The following ZNF618 variants were observed in gnomAD, a reference collection of about 807,000 sequenced individuals.
ZNF618 encodes the protein neural precursor cell expressed, developmentally down-regulated 10.
ZNF618 carries 34 observed loss-of-function variants against 103.0 expected under a neutral mutation model. That is an observed-to-expected ratio of 0.33 (90% confidence interval 0.25 to 0.44). The LOEUF (loss-of-function observed/expected upper bound fraction) is 0.44, where lower values mean the gene tolerates loss of function less well. Ranked by LOEUF, ZNF618 falls within the 20% of genes least tolerant of loss-of-function variation. The pLI is 1.00. For synonymous variants in ZNF618, 551 were observed against 542.2 expected (o/e 1.02, Z -0.23); for missense variants, 1,059 against 1,295.4 (o/e 0.82, Z 2.80).
At chr9:113,996,162 T>C (rs567576183) in intron 3 of ZNF618, among the ~76,000 whole-genome samples, 1 of 152,310 alleles carries the variant, frequency 6.6e-6, no homozygotes, top group African/African-American at 2.4e-5. Flanking sequence ...CACTTGTCCA[T>C]GACTTCCCTG....
At chr9:114,015,202 A>G (rs1842557578) in intron 9 of ZNF618, among the ~76,000 whole-genome samples, 3 of 152,222 alleles carry the variant, frequency 2.0e-5, no homozygotes, top group Admixed American at 2.0e-4. Flanking sequence ...GAAAAACCAT[A>G]AACAGACTAA....
Position 114,047,904 on chromosome 9 carries a change from A to G in ZNF618, c.1258A>G (p.Asn420Asp). The change falls in exon 14 of 15, where the codon AAC becomes GAC. Residue 420 changes from asparagine (N) to aspartate (D), a missense_variant. Around this residue, in one of 6 missense-constraint regions of ZNF618, gnomAD observed 434 missense variants for 476.0 expected, o/e 0.91. Transcript: ENST00000374126. Reference sequence around the variant, plus strand: ...CTTTGTGCCCACAGCTGACAATGAAAACAACATTGCCTCCAACCAGTCCCG... The same window carrying G: ...CTTTGTGCCCACAGCTGACAATGAAGACAACATTGCCTCCAACCAGTCCCG... ...HMQSHAADNENNIASNQSRSP... is the reference protein window; with the variant it reads ...HMQSHAADNEDNIASNQSRSP... 6.2e-7 allele frequency: 1 copy of G among 1,600,800 alleles called. No individual in the cohort carries two copies. Among genetic ancestry groups the G allele is most frequent in the African/African-American group, 1.3e-5 (1 of 74,784 alleles).
intron 1 of ZNF618, among the ~76,000 whole-genome samples, chr9:113,963,166 G>A (rs1837025779): frequency 2.0e-5 from 3 of 152,158 alleles, no homozygotes; most frequent in Admixed American, 1.3e-4. Context: ...TCATCCTCTG[G>A]GCAGGTCCTG....
chr9:113,998,481 C>T, intron 4 of ZNF618, 127 bp downstream of exon 4: 1 of 776,242 alleles, frequency 1.3e-6, no homozygotes, highest in Non-Finnish European at 2.1e-6. Context: ...CAAGAGGGGC[C>T]ACCTTCTTCA....
intron 1 of ZNF618, among the ~76,000 whole-genome samples, chr9:113,912,399 G>GGGT (rs1831635376): frequency 6.6e-6 from 1 of 152,190 alleles, no homozygotes; most frequent in Non-Finnish European, 1.5e-5. Flanking sequence ...GCTGGGATAT[G>GGGT]GGTGGGGCCA....
rs911831298 is a variant in ZNF618, at chr9:114,036,563, G to T, written c.1246+186G>T. Among the ~76,000 whole-genome samples the T allele has an allele frequency of 2.0e-5, 3 of 152,254 alleles. No individual in the cohort carries two copies. In the East Asian group the frequency reaches 5.8e-4, roughly 29 times the overall value. Reference sequence around the variant, plus strand: ...ATTAACACAGGCTGGTCTGTGCTCTGCAGGTGGGGGCGGTGGGGAGGCAGC... The same window carrying T: ...ATTAACACAGGCTGGTCTGTGCTCTTCAGGTGGGGGCGGTGGGGAGGCAGC... On this transcript the variant is annotated intron_variant, in intron 13 of 14. Coordinates refer to ENST00000374126, the MANE Select transcript of ZNF618 (RefSeq NM_001318042.2).
At chr9:113,886,739 T>G (rs1458516257) in intron 1 of ZNF618, among the ~76,000 whole-genome samples, 1 of 152,010 alleles carries the variant, frequency 6.6e-6, no homozygotes, top group African/African-American at 2.4e-5. Context: ...GGGTAACAGA[T>G]AGCATCTAAG....
intron 2 of ZNF618, among the ~76,000 whole-genome samples, chr9:113,973,505 A>C (rs1156746449): frequency 6.6e-6 from 1 of 152,202 alleles, no homozygotes; most frequent in Admixed American, 6.5e-5. Context: ...TTCTGATCTT[A>C]AGAAACAACC....
intron 11 of ZNF618, among the ~76,000 whole-genome samples, chr9:114,032,063 C>T (rs1008478702): frequency 1.3e-5 from 2 of 152,234 alleles, no homozygotes; most frequent in Admixed American, 6.5e-5. Context: ...AGGGGGAACC[C>T]ATCCCTTCCG....
At position 114,033,523 on chromosome 9, in the gene ZNF618, T is replaced by C. The variant is rs113577593; in HGVS notation, c.1168+795T>C. On this transcript the variant is annotated intron_variant, in intron 12 of 14. Transcript: ENST00000374126. ...CCTACCTGCTCAAGTGGGTTTAAAC[T>C]GAGGCTCTAGGTGGTCTCTGGCGCC... 1.9e-4 allele frequency among the ~76,000 whole-genome samples: 29 copies of C among 152,078 alleles called. 1 individual carries two copies. Among genetic ancestry groups the C allele is most frequent in the African/African-American group, 5.8e-4 (24 of 41,514 alleles).
At position 114,049,906 on chromosome 9, in the gene ZNF618, G is replaced by T; in HGVS notation, c.2604G>T (p.Arg868=). ...VENPAAQEDD[R]LGKNEVYDYL... ...ACCCCGCAGCTCAGGAAGATGATCG[G>T]CTAGGCAAAAATGAAGTGTACGATT... Residue 868 remains arginine (R), a synonymous_variant, in exon 15 of 15, where the codon CGG becomes CGT. Transcript: ENST00000374126. 6.2e-7 allele frequency: 1 copy of T among 1,613,922 alleles called. No homozygotes were observed. Among genetic ancestry groups the T allele is most frequent in the Non-Finnish European group, 8.5e-7 (1 of 1,179,902 alleles).
chr9:113,946,681 C>T (rs914771606), intron 1 of ZNF618, among the ~76,000 whole-genome samples: 21 of 152,286 alleles, frequency 1.4e-4, no homozygotes, highest in Admixed American at 9.8e-4. Flanking sequence ...GCGTCTTTTG[C>T]CTCCTCTCTG....
intron 1 of ZNF618, among the ~76,000 whole-genome samples, chr9:113,921,323 C>T (rs1256335902): frequency 3.3e-5 from 5 of 152,234 alleles, no homozygotes; most frequent in Non-Finnish European, 7.3e-5. Context: ...GCAAAGCACA[C>T]AGGCAAGCCT....
At chr9:114,037,272 G>T (rs981234010) in intron 13 of ZNF618, among the ~76,000 whole-genome samples, 3 of 152,022 alleles carry the variant, frequency 2.0e-5, no homozygotes, top group African/African-American at 7.3e-5. Context: ...TTTTCTATTG[G>T]CTCCGTCCTC....
At chr9:113,905,629 G>C (rs1424990977) in intron 1 of ZNF618, among the ~76,000 whole-genome samples, 1 of 152,220 alleles carries the variant, frequency 6.6e-6, no homozygotes, top group Admixed American at 6.5e-5. Flanking sequence ...AGTGTGAACT[G>C]TTCGTAGCCC....
chr9:114,009,337 G>A (rs572300836), intron 9 of ZNF618, among the ~76,000 whole-genome samples: 6 of 152,182 alleles, frequency 3.9e-5, no homozygotes, highest in Admixed American at 1.3e-4. Flanking sequence ...TGCTGGTCCC[G>A]AAAATCGATG....
intron 1 of ZNF618, among the ~76,000 whole-genome samples, chr9:113,892,244 A>G (rs2131043533): frequency 6.6e-6 from 1 of 152,294 alleles, no homozygotes; most frequent in South Asian, 2.1e-4. Flanking sequence ...CCCTGCCATC[A>G]AATGGTGTAT....
chr9:113,922,477 G>GTTTTTTT (rs71367740), intron 1 of ZNF618, among the ~76,000 whole-genome samples: 1 of 132,976 alleles, frequency 7.5e-6, no homozygotes, highest in Non-Finnish European at 1.6e-5. Context: ...GTTTTGGTTT[G>GTTTTTTT]TTTTTTTTTT....
In ZNF618 at chr9:114,041,475, G is replaced by A. The variant is rs193131433; in HGVS notation, c.1246+5098G>A. Among the ~76,000 whole-genome samples, 525 of 152,320 alleles carry A rather than the reference G, an allele frequency of 3.4e-3. 8 individuals are homozygous for A. Among genetic ancestry groups the A allele is most frequent in the Non-Finnish European group, 5.5e-3 (372 of 68,034 alleles). ...TTATAGTTTTAGGTCTAACATTTAAGTCTTTAACCCATCTTGAATTAATTT... is the reference window on the plus strand; with the variant it reads ...TTATAGTTTTAGGTCTAACATTTAAATCTTTAACCCATCTTGAATTAATTT... On this transcript the variant is annotated intron_variant, in intron 13 of 14. Transcript: ENST00000374126.
Sources: allele counts gnomAD v4.1 joint callset (sites outside exome capture counted in the v4.1 genomes callset), GRCh38; gene constraint gnomAD v4.1.1; regional missense constraint gnomAD v4.1.1; transcripts MANE v1.5; gene names NCBI Gene and HGNC (gene_info 2026-07-23, HGNC 2026-07-21).